Variants in NBEA observed in about 807,000 individuals in gnomAD.
NBEA encodes lysosomal-trafficking regulator 2.
In NBEA, 44 loss-of-function variants were observed where a neutral mutation model predicts 343.4. The observed-to-expected ratio is 0.13, with a 90% confidence interval of 0.10 to 0.16. The LOEUF (loss-of-function observed/expected upper bound fraction) is 0.16, where lower values mean the gene tolerates loss of function less well. Ranked by LOEUF, NBEA falls within the 10% of genes least tolerant of loss-of-function variation. NBEA has a pLI of 1.00. For missense variants in NBEA, 2,555 were observed against 3,631.3 expected, an observed-to-expected ratio of 0.70 and a Z score of 7.62; for synonymous variants, 1,175 against 1,238.7, an observed-to-expected ratio of 0.95 and a Z score of 1.08.
At chr13:35,376,562 C>G (rs1403910153) in intron 38 of NBEA, among the ~76,000 whole-genome samples, 1 of 152,070 alleles carries the variant, frequency 6.6e-6, no homozygotes, top group African/African-American at 2.4e-5. Context: ...ATTCATTTTT[C>G]TTCTTTTGCT....
intron 17 of NBEA, among the ~76,000 whole-genome samples, chr13:35,133,029 TTAGAA>T: frequency 6.6e-6 from 1 of 151,836 alleles, no homozygotes; most frequent in Non-Finnish European, 1.5e-5. Flanking sequence ...AATTTGACCA[TTAGAA>T]TAAAAAGTAC....
chr13:35,622,980 T>A (rs959062365), intron 48 of NBEA, among the ~76,000 whole-genome samples: 1 of 152,176 alleles, frequency 6.6e-6, no homozygotes, highest in Non-Finnish European at 1.5e-5. Flanking sequence ...GAGGGAAATA[T>A]TATCCATCTA....
In NBEA at chr13:35,203,920, A is replaced by G. The variant is rs183413411; in HGVS notation, c.5367-4780A>G. On this transcript the variant is annotated intron_variant, in intron 31 of 58. Transcript: ENST00000379939. ...CTTAAAGATGTGTGATAGAAGTTTG[A>G]AATTGTGTGGAAAGCATAGTATTGA... is the stretch of plus-strand genomic sequence containing the variant. 3.2e-4 allele frequency among the ~76,000 whole-genome samples: 49 copies of G among 152,288 alleles called. 1 individual carries two copies. The East Asian group carries it at 9.2e-3, about 29-fold the overall frequency.
At chr13:35,160,094 A>G in intron 22 of NBEA, 62 bp downstream of exon 22, 1 of 1,370,186 alleles carries the variant, frequency 7.3e-7, no homozygotes, top group South Asian at 1.6e-5. Context: ...TGTTAGCACC[A>G]AAACAGAGTA....
intron 11 of NBEA, among the ~76,000 whole-genome samples, chr13:35,104,603 A>C (rs367720662): frequency 4.0e-5 from 6 of 151,834 alleles, no homozygotes; most frequent in African/African-American, 7.3e-5. Context: ...GGTTAGTATT[A>C]ATAGTATAGG....
intron 18 of NBEA, among the ~76,000 whole-genome samples, chr13:35,144,169 A>T (rs1283588743): frequency 2.0e-5 from 3 of 152,156 alleles, no homozygotes; most frequent in African/African-American, 7.2e-5. Flanking sequence ...AAAAGTACAC[A>T]CTCAGGAAAG....
chr13:35,133,393 G>A (rs1047711576), intron 17 of NBEA, among the ~76,000 whole-genome samples: 16 of 151,978 alleles, frequency 1.1e-4, no homozygotes, highest in African/African-American at 3.6e-4. Context: ...TCCAGTCACT[G>A]GTGGAATTAT....
At position 35,155,803 on chromosome 13, in the gene NBEA, C is replaced by G; in HGVS notation, c.2475C>G (p.Val825=). ...TGACAGAACAAGTATGTACTCAGGTCGTACACAAACCACATCCAGAGCCAG... is the reference window on the plus strand; with the variant it reads ...TGACAGAACAAGTATGTACTCAGGTGGTACACAAACCACATCCAGAGCCAG... ...EILTEQVCTQ[V]VHKPHPEPDS... is the part of the protein sequence containing the mutation. The change falls in exon 19 of 59, where the codon GTC becomes GTG. Residue 825 remains valine, a synonymous_variant. Transcript: ENST00000379939. 7 of 1,611,362 alleles carry G rather than the reference C, an allele frequency of 4.3e-6. No homozygotes were observed. The highest frequency in any genetic ancestry group is 5.9e-6 in the Non-Finnish European group (7 of 1,177,680).
chr13:34,972,341 G>C (rs1376277441), intron 1 of NBEA, among the ~76,000 whole-genome samples: 17 of 151,902 alleles, frequency 1.1e-4, no homozygotes, highest in African/African-American at 3.6e-4. Context: ...GTTCAGCTCT[G>C]ATTTTGGTAT....
intron 18 of NBEA, among the ~76,000 whole-genome samples, chr13:35,155,466 A>G (rs530881987): frequency 2.6e-5 from 4 of 152,204 alleles, no homozygotes; most frequent in Admixed American, 2.6e-4. Context: ...TCTACTAAAA[A>G]TACAAAAAAT....
At chr13:35,632,768 A>T (rs1266480204) in intron 49 of NBEA, among the ~76,000 whole-genome samples, 2 of 152,038 alleles carry the variant, frequency 1.3e-5, no homozygotes, top group East Asian at 2.0e-4. Context: ...TAATTTTTGT[A>T]TTTTTAGTAG....
At chr13:35,067,091 T>A (rs2063680473) in intron 8 of NBEA, among the ~76,000 whole-genome samples, 1 of 152,144 alleles carries the variant, frequency 6.6e-6, no homozygotes, top group African/African-American at 2.4e-5. Flanking sequence ...ATTATTGTTA[T>A]ACATATAGTA....
chr13:35,160,047 A>G lies in NBEA; in HGVS notation c.3861+15A>G, dbSNP rs1208733074. 24 of 1,526,918 alleles carry G rather than the reference A, an allele frequency of 1.6e-5. No homozygotes were observed. The African/African-American group carries it at 1.8e-4, about 12-fold the overall frequency. 94.6% of individuals were successfully genotyped at this position (1,526,918 alleles called of 1,614,324 possible). ...CTACGACACAAGTAAGCTACCTTAT[A>G]TGAGTTCTAGAAATAAATAAAAATG... On this transcript the variant is annotated intron_variant, in intron 22 of 58. Transcript: ENST00000379939.
chr13:35,465,631 CAG>C (rs1229025143), intron 40 of NBEA, among the ~76,000 whole-genome samples: 2 of 152,142 alleles, frequency 1.3e-5, no homozygotes, highest in Non-Finnish European at 2.9e-5. Context: ...TAACTGGAAA[CAG>C]AAATCTCAGC....
intron 30 of NBEA, among the ~76,000 whole-genome samples, chr13:35,192,372 G>C (rs1399467312): frequency 6.6e-6 from 1 of 151,628 alleles, no homozygotes; most frequent in African/African-American, 2.4e-5. Flanking sequence ...CTACTGATCT[G>C]TTTTTTTATT....
intron 34 of NBEA, among the ~76,000 whole-genome samples, chr13:35,284,305 T>C (rs1280887149): frequency 6.6e-6 from 1 of 152,160 alleles, no homozygotes; most frequent in African/African-American, 2.4e-5. Context: ...CAGTTTTTAG[T>C]GAACTAAAGA....
At position 35,184,955 on chromosome 13, in the gene NBEA, T is replaced by C. The variant is rs573580769; in HGVS notation, c.4927+884T>C. On this transcript the variant is annotated intron_variant, in intron 30 of 58. Coordinates refer to ENST00000379939, the MANE Select transcript of NBEA (RefSeq NM_001385012.1). ...GGTGTTTACTCCTGTGATTAGGTTA[T>C]GCTGTATGGCACATTGGCCTTTAAG... 2.6e-5 allele frequency among the ~76,000 whole-genome samples: 4 copies of C among 152,252 alleles called. No individual in the cohort carries two copies. In the South Asian group the frequency reaches 8.3e-4, roughly 32 times the overall value.
Position 35,472,380 on chromosome 13 carries a change from C to G in NBEA, c.6449-20C>G, listed in dbSNP as rs771587473. ...GGGCCACAGGGGCTCAGCCTGACTC[C>G]CCTTGTCCTTGCCTTGCAGGCCCAG... On this transcript the variant is annotated intron_variant, in intron 40 of 58. Transcript: ENST00000379939. 6.2e-7 allele frequency: 1 copy of G among 1,611,128 alleles called. No individual in the cohort carries two copies.
chr13:35,204,389 C>A (rs2073232304), intron 31 of NBEA, among the ~76,000 whole-genome samples: 1 of 152,072 alleles, frequency 6.6e-6, no homozygotes, highest in African/African-American at 2.4e-5. Flanking sequence ...GTGAAAGGCG[C>A]TTCTTATATG....
Sources: gnomAD v4.1 joint callset for allele counts (sites outside exome capture counted in the v4.1 genomes callset) on GRCh38, gnomAD v4.1.1 for gene constraint, MANE v1.5 for transcripts, NCBI Gene and HGNC (gene_info 2026-07-23, HGNC 2026-07-21) for gene names.